VASH1: variants seen among roughly 807,000 people sequenced by gnomAD.
VASH1 encodes tubulinyl-Tyr carboxypeptidase 1.
A neutral mutation model predicts 35.0 loss-of-function variants in VASH1; 16 were observed. The ratio of observed to expected loss-of-function variants is 0.46; its 90% CI spans 0.31 to 0.70. VASH1 has a LOEUF of 0.70. VASH1 is among the 30% of genes least tolerant of loss of function. VASH1 has a pLI of 0.05. For missense variants in VASH1, 505 were observed against 510.7 expected (o/e 0.99, Z 0.11); for synonymous variants, 214 against 200.9 (o/e 1.07, Z -0.55).
rs1481582156 is a variant in VASH1, at chr14:76,762,119, A to C, written c.-703A>C. On this transcript the variant is annotated 5_prime_UTR_variant, in exon 1 of 7. Transcript: ENST00000167106. ...GGGGACGAGGGGACAGGGGACCCAG[A>C]CAAAGCCCACTTTGTGCAGGGAGTT... is the stretch of plus-strand genomic sequence containing the variant. 3 of 152,222 alleles carry C rather than the reference A, an allele frequency of 2.0e-5. No individual in the cohort carries two copies. Among genetic ancestry groups the C allele is most frequent in the Admixed American group, 1.3e-4 (2 of 15,280 alleles). 9.4% of individuals were successfully genotyped at this position (152,222 alleles called of 1,614,324 possible).
Position 76,762,199 on chromosome 14 carries a change from A to G in VASH1, c.-623A>G, listed in dbSNP as rs1325142948. ...GCGCGCCCCCTCCCCGCTCCCGGCC[A>G]GCTGCGAGTCTTGGCTCCCGGACTT... is the stretch of plus-strand genomic sequence containing the variant. On this transcript the variant is annotated 5_prime_UTR_variant, in exon 1 of 7. Coordinates refer to ENST00000167106, the MANE Select transcript of VASH1 (RefSeq NM_014909.5). 1 of 150,544 alleles carries G rather than the reference A, an allele frequency of 6.6e-6. No individual in the cohort carries two copies. The highest frequency in any genetic ancestry group is 1.5e-5 in the Non-Finnish European group (1 of 67,726). 9.3% of individuals were successfully genotyped at this position (150,544 alleles called of 1,614,324 possible).
rs1314582625 is a variant in VASH1, at chr14:76,779,794, C to T, written c.*776C>T. 1.4e-5 allele frequency: 7 copies of T among 512,686 alleles called. No individual in the cohort carries two copies. The highest frequency in any genetic ancestry group is 5.0e-4 in the Middle Eastern group (1 of 1,984). 31.8% of individuals were successfully genotyped at this position (512,686 alleles called of 1,614,324 possible). A position where few individuals can be genotyped will look rare whatever the true frequency, so the allele number is the denominator to read the frequency against. Reference sequence around the variant, plus strand: ...GTTGCTCTAGCCCACAGGCTCCCTGCGGAGGGTCTGGGCTTGGCGGAGGAC... The same window carrying T: ...GTTGCTCTAGCCCACAGGCTCCCTGTGGAGGGTCTGGGCTTGGCGGAGGAC... On this transcript the variant is annotated 3_prime_UTR_variant, in exon 7 of 7. Transcript: ENST00000167106.
At position 76,776,013 on chromosome 14, in the gene VASH1, C is replaced by A; in HGVS notation, c.652C>A (p.Leu218Met). The A allele has an allele frequency of 6.2e-7, 1 of 1,613,118 alleles. No individual in the cohort carries two copies. Among genetic ancestry groups the A allele is most frequent in the East Asian group, 2.2e-5 (1 of 44,868 alleles). ...GAACTTCGCGGGCCGCTACGGTGCG[C>A]TGGGCATGAGTCGGCGCGAGGACCT... ...GVNFAGRYGALGMSRREDLMY... is the reference protein window; with the variant it reads ...GVNFAGRYGAMGMSRREDLMY... The change falls in exon 5 of 7, where the codon CTG (leucine) becomes ATG (methionine). Residue 218 changes from leucine to methionine, a missense_variant. Transcript: ENST00000167106.
intron 1 of VASH1, among the ~76,000 whole-genome samples, chr14:76,765,849 C>T (rs919888375): frequency 2.0e-5 from 3 of 152,190 alleles, no homozygotes; most frequent in Admixed American, 1.3e-4. Flanking sequence ...GCCTGCCTGC[C>T]CCGTGTATGT....
At chr14:76,767,263 T>G (rs1000104062) in intron 1 of VASH1, among the ~76,000 whole-genome samples, 20 of 143,572 alleles carry the variant, frequency 1.4e-4, no homozygotes, top group African/African-American at 5.8e-4. Flanking sequence ...AATAAATAAA[T>G]AAATAAATAA....
At chr14:76,777,046 TGA>T (rs1306826534) in intron 5 of VASH1, among the ~76,000 whole-genome samples, 1 of 152,150 alleles carries the variant, frequency 6.6e-6, no homozygotes, top group Non-Finnish European at 1.5e-5. Flanking sequence ...TCACTGGCAG[TGA>T]GAGGCAGATC....
In VASH1 at chr14:76,761,869, C is replaced by T. The variant is rs1893513199; in HGVS notation, c.-953C>T. Among the ~76,000 whole-genome samples, 1 of 151,744 alleles carries T rather than the reference C, an allele frequency of 6.6e-6. No homozygotes were observed. The highest frequency in any genetic ancestry group is 6.6e-5 in the Admixed American group (1 of 15,222). On this transcript the variant is annotated 5_prime_UTR_variant, in exon 1 of 7. Transcript: ENST00000167106. ...AGGCAGCGACCCCGCGGCCGCAGCC[C>T]GCCGCTCAGTGACCTCAGCCTGGCC...
Position 76,776,258 on chromosome 14 carries a change from C to G in VASH1, c.897C>G (p.Arg299=). The G allele has an allele frequency of 6.3e-7, 1 of 1,594,692 alleles. No individual in the cohort carries two copies. Among genetic ancestry groups the G allele is most frequent in the South Asian group, 1.1e-5 (1 of 90,160 alleles). The change falls in exon 5 of 7, where the codon CGC becomes CGG. Residue 299 remains arginine (R), a synonymous_variant. Coordinates refer to ENST00000167106, the MANE Select transcript of VASH1 (RefSeq NM_014909.5). ...GCAAGGAGCTGGAGCGCCACGCCCG[C>G]GACATGCGGCTCAAGGTCTGCCCGC... ...DFRKELERHA[R]DMRLKIGKGT...
chr14:76,777,853 C>A, intron 5 of VASH1, 106 bp from the exon 6 acceptor site: 1 of 764,706 alleles, frequency 1.3e-6, no homozygotes. Context: ...TGAGGTTCCC[C>A]GGGCCTTCCC....
chr14:76,763,741 T>G (rs933324141), intron 1 of VASH1, among the ~76,000 whole-genome samples: 4 of 152,084 alleles, frequency 2.6e-5, no homozygotes, highest in Admixed American at 6.5e-5. Flanking sequence ...TGTTGGACAG[T>G]AGATTCAAGC....
chr14:76,778,787 G>T (rs939948292), intron 6 of VASH1, among the ~76,000 whole-genome samples, 159 bp from the exon 7 acceptor site: 1 of 152,196 alleles, frequency 6.6e-6, no homozygotes, highest in African/African-American at 2.4e-5. Context: ...GCGGGCCAGG[G>T]TGTCCAAAAA....
chr14:76,770,300 C>T (rs770985059), intron 2 of VASH1, among the ~76,000 whole-genome samples: 35 of 152,112 alleles, frequency 2.3e-4, no homozygotes, highest in African/African-American at 6.0e-4. Flanking sequence ...CCGCTCCTGC[C>T]GTGTGATGGG....
chr14:76,770,862 C>T (rs886719251), intron 2 of VASH1, among the ~76,000 whole-genome samples: 4 of 152,242 alleles, frequency 2.6e-5, no homozygotes, highest in Non-Finnish European at 5.9e-5. Flanking sequence ...ACCCTAGCCT[C>T]CTCTCAGTTC....
Position 76,769,984 on chromosome 14 carries a change from A to G in VASH1, c.331A>G (p.Thr111Ala), listed in dbSNP as rs763794533. ...CCAGATCCCCATACCGAGTGTGCCTACGTTCCAGCCGTCTACACCTGTCCC... is the reference window on the plus strand; with the variant it reads ...CCAGATCCCCATACCGAGTGTGCCTGCGTTCCAGCCGTCTACACCTGTCCC... ...LPKIPIPSVP[T>A]FQPSTPVPER... Residue 111 changes from threonine (T) to alanine (A), a missense_variant, in exon 2 of 7, where the codon ACG becomes GCG. Transcript: ENST00000167106. 2.0e-5 allele frequency: 32 copies of G among 1,613,776 alleles called. No homozygotes were observed. The highest frequency in any genetic ancestry group is 5.3e-5 in the African/African-American group (4 of 74,876).
chr14:76,779,200 T>C lies in VASH1; in HGVS notation c.*182T>C. On this transcript the variant is annotated 3_prime_UTR_variant, in exon 7 of 7. Coordinates refer to ENST00000167106, the MANE Select transcript of VASH1 (RefSeq NM_014909.5). ...CTCCCACTGAGCCAAGCCCCCTAAC[T>C]TTGGGCCTAGAGGCCGTTAGTATTT... 1 of 718,714 alleles carries C rather than the reference T, an allele frequency of 1.4e-6. No homozygotes were observed. Among genetic ancestry groups the C allele is most frequent in the Non-Finnish European group, 2.4e-6 (1 of 409,032 alleles). The allele number at this position is 718,714 out of a possible 1,614,324, so 44.5% of individuals were successfully genotyped here. A position where few individuals can be genotyped will look rare whatever the true frequency, so the allele number is the denominator to read the frequency against.
rs1860646562 is a variant in VASH1 at position 76,761,656 on chromosome 14, T to G, written c.-1166T>G. 6.6e-6 allele frequency among the ~76,000 whole-genome samples: 1 copy of G among 151,686 alleles called. No individual in the cohort carries two copies. Among genetic ancestry groups the G allele is most frequent in the Non-Finnish European group, 1.5e-5 (1 of 67,870 alleles). ...CCCCAGGCACCAGCGCAGCGCGCGC[T>G]CGCCCGGCTTCGTCACTCGCCTCCA... On this transcript the variant is annotated 5_prime_UTR_variant, in exon 1 of 7. Transcript: ENST00000167106.
intron 5 of VASH1, among the ~76,000 whole-genome samples, chr14:76,777,080 A>G (rs1487416849): frequency 6.6e-6 from 1 of 152,158 alleles, no homozygotes; most frequent in East Asian, 1.9e-4. Flanking sequence ...CAGCCTCCTG[A>G]TGGGGTGATG....
At chr14:76,767,386 A>G (rs1164917061) in intron 1 of VASH1, among the ~76,000 whole-genome samples, 1 of 152,080 alleles carries the variant, frequency 6.6e-6, no homozygotes, top group African/African-American at 2.4e-5. Flanking sequence ...GGGCGCACAC[A>G]TCCAGCTGCA....
intron 3 of VASH1, among the ~76,000 whole-genome samples, chr14:76,772,760 G>A (rs1002260925): frequency 6.6e-6 from 1 of 152,238 alleles, no homozygotes; most frequent in African/African-American, 2.4e-5. Context: ...GATCGATGCT[G>A]ACGTCCCTCC....
Sources: gnomAD v4.1 joint callset for allele counts (sites outside exome capture counted in the v4.1 genomes callset) on GRCh38, gnomAD v4.1.1 for gene constraint, MANE v1.5 for transcripts, NCBI Gene and HGNC (gene_info 2026-07-23, HGNC 2026-07-21) for gene names.